Variants in WDR54 observed in about 807,000 individuals in gnomAD.
WDR54 encodes WD repeat-containing protein 54.
Under a neutral mutation model 44.1 loss-of-function variants are expected in WDR54, and 44 were observed. That is an observed-to-expected ratio of 1.00 (90% CI 0.78 to 1.28). WDR54 has a LOEUF of 1.28. WDR54 is among the 50% of genes most tolerant of loss of function. The pLI, the probability that WDR54 is intolerant of heterozygous loss-of-function variation, is 0.00. For synonymous variants in WDR54, 169 were observed against 169.8 expected, an observed-to-expected ratio of 1.00 and a Z score of 0.04; for missense variants, 409 against 429.7, an observed-to-expected ratio of 0.95 and a Z score of 0.43.
chr2:74,424,831 T>C (rs775353979), intron 6 of WDR54, 44 bp from the exon 7 acceptor site: 5 of 1,606,986 alleles, frequency 3.1e-6, no homozygotes, highest in Admixed American at 3.3e-5. Context: ...TACAGGACCA[T>C]AGCAGGGGAG....
At chr2:74,425,265 C>T (rs1030369432) in intron 8 of WDR54, 28 bp downstream of exon 8, 31 of 1,537,668 alleles carry the variant, frequency 2.0e-5, no homozygotes, top group African/African-American at 2.7e-5. Flanking sequence ...TACCTACATA[C>T]CCTTTTTCCT....
rs771078332 is a variant in WDR54, at chr2:74,422,170, G to T, written c.17G>T (p.Arg6Leu). The change falls in exon 2 of 10, where the codon CGC (arginine) becomes CTC (leucine). Residue 6 changes from arginine (R) to leucine (L), a missense_variant. Physicochemically the swap from Arg to Leu is moderately radical, Grantham distance 102. Transcript: ENST00000348227. ...CCACACAGGATGTTCCGCTGGGAGC[G>T]CTCCATTCCCCTGCGAGGCTCGGCC... MFRWERSIPLRGSAAA... is the reference protein window; with the variant it reads MFRWELSIPLRGSAAA... 6.2e-7 allele frequency: 1 copy of T among 1,612,872 alleles called. No homozygotes were observed. Among genetic ancestry groups the T allele is most frequent in the East Asian group, 2.2e-5 (1 of 44,870 alleles).
chr2:74,424,818 G>C, intron 6 of WDR54, 57 bp from the exon 7 acceptor site: 1 of 1,606,622 alleles, frequency 6.2e-7, no homozygotes. Flanking sequence ...CTCCTGCCCT[G>C]TATACAGGAC....
chr2:74,422,292 G>A lies in WDR54; in HGVS notation c.139G>A (p.Ala47Thr). 6.2e-7 allele frequency: 1 copy of A among 1,614,220 alleles called. No individual in the cohort carries two copies. The highest frequency in any genetic ancestry group is 1.1e-5 in the South Asian group (1 of 91,088). ...TGGACCAAGCGCCCAGCTTCTCAGC[G>A]CTGCTCCTGAGGGTGTGCCCTTGGC... is the stretch of plus-strand genomic sequence containing the variant. The part of the protein sequence containing the change: ...VHGPSAQLLS[A>T]APEGVPLAQR... The change falls in exon 2 of 10, where the codon GCT becomes ACT. Residue 47 changes from alanine to threonine, a missense_variant. Transcript: ENST00000348227.
In WDR54 at chr2:74,423,926, C is replaced by G; in HGVS notation, c.478C>G (p.Leu160Val). The change falls in exon 6 of 10, where the codon CTG becomes GTG. Residue 160 changes from leucine to valine, a missense_variant. Physicochemically the swap from Leu to Val is conservative, Grantham distance 32 (BLOSUM62 1). Coordinates refer to ENST00000348227, the MANE Select transcript of WDR54 (RefSeq NM_032118.4). ...TCCCAACATTGTACTGAGCGAGGAGCTGGCTGGGCACCAGATGCCAATCAC... is the reference window on the plus strand; with the variant it reads ...TCCCAACATTGTACTGAGCGAGGAGGTGGCTGGGCACCAGATGCCAATCAC... ...KGPNIVLSEE[L>V]AGHQMPITDI... The G allele has an allele frequency of 1.2e-6, 2 of 1,614,146 alleles. No homozygotes were observed. The highest frequency in any genetic ancestry group is 1.7e-6 in the Non-Finnish European group (2 of 1,180,034).
In WDR54 at chr2:74,425,040, T is replaced by A. The variant is rs745946586; in HGVS notation, c.636-35T>A. The stretch of plus-strand genomic sequence containing the variant: ...CTTCAGGCTGGGGAGTAGGATTTGA[T>A]CTGGGCAAAACAAAGTTGGGTGTCA... On this transcript the variant is annotated intron_variant, in intron 7 of 9. Transcript: ENST00000348227. The A allele has an allele frequency of 3.7e-6, 6 of 1,613,526 alleles. No homozygotes were observed. In the Admixed American group the frequency reaches 1.0e-4, roughly 27 times the overall value.
chr2:74,422,831 G>A (rs1217822408), intron 2 of WDR54, 39 bp from the exon 3 acceptor site: 20 of 1,530,170 alleles, frequency 1.3e-5, no homozygotes, highest in Non-Finnish European at 1.6e-5. Context: ...CATCTTCCCT[G>A]CTTTGATTTT....
rs1419392298 is a variant in WDR54, at chr2:74,423,947, A to G, written c.499A>G (p.Ile167Val). 1.2e-6 allele frequency: 2 copies of G among 1,614,144 alleles called. No homozygotes were observed. Among genetic ancestry groups the G allele is most frequent in the Non-Finnish European group, 1.7e-6 (2 of 1,180,016 alleles). The change falls in exon 6 of 10, where the codon ATC becomes GTC. Residue 167 changes from isoleucine to valine, a missense_variant. Coordinates refer to ENST00000348227, the MANE Select transcript of WDR54 (RefSeq NM_032118.4). ...GGAGCTGGCTGGGCACCAGATGCCA[A>G]TCACAGACATTGCCACCGAGCCTGC... ...SEELAGHQMP[I>V]TDIATEPAQG...
chr2:74,424,187 A>G (rs1670253797), intron 6 of WDR54, among the ~76,000 whole-genome samples: 1 of 152,246 alleles, frequency 6.6e-6, no homozygotes, highest in Non-Finnish European at 1.5e-5. Context: ...AGACTTTATA[A>G]TACTGATGTG....
intron 3 of WDR54, 93 bp from the exon 4 acceptor site, chr2:74,423,226 A>G: frequency 1.4e-6 from 2 of 1,432,188 alleles, no homozygotes; most frequent in Non-Finnish European, 2.0e-6. Flanking sequence ...ATTTGTTTTG[A>G]GGATTAAATG....
chr2:74,423,014 T>C (rs1412698008), intron 3 of WDR54, 82 bp downstream of exon 3: 2 of 1,416,388 alleles, frequency 1.4e-6, no homozygotes, highest in Non-Finnish European at 1.0e-6. Flanking sequence ...CACTTGCCTC[T>C]AAACACTTCC....
Position 74,425,183 on chromosome 2 carries a change from C to G in WDR54, c.744C>G (p.Ile248Met). 4 of 1,542,614 alleles carry G rather than the reference C, an allele frequency of 2.6e-6. No homozygotes were observed. The highest frequency in any genetic ancestry group is 3.5e-6 in the Non-Finnish European group (4 of 1,141,708). Residue 248 changes from isoleucine (I) to methionine (M), a missense_variant, in exon 8 of 10, where the codon ATC becomes ATG. Transcript: ENST00000348227. The stretch of plus-strand genomic sequence containing the variant: ...CTACAGGAAATCTACATGTCCAGAT[C>G]AATGCCCATGCCCGGGCCATCTGCG... ...EATTGNLHVQ[I>M]NAHARAICAL...
intron 2 of WDR54, 150 bp downstream of exon 2, chr2:74,422,525 T>C: frequency 1.0e-6 from 1 of 985,322 alleles, no homozygotes; most frequent in East Asian, 2.6e-5. Flanking sequence ...CCGGGCGCGG[T>C]GGCTCACGCC....
intron 6 of WDR54, 138 bp from the exon 7 acceptor site, chr2:74,424,737 C>A: frequency 9.7e-7 from 1 of 1,034,528 alleles, no homozygotes; most frequent in Non-Finnish European, 1.5e-6. Flanking sequence ...TCTGATGGGT[C>A]TAGCTAGTGA....
In WDR54 at chr2:74,425,702, G is replaced by C. The variant is rs149647334; in HGVS notation, c.*1G>C. On this transcript the variant is annotated 3_prime_UTR_variant, in exon 10 of 10. Coordinates refer to ENST00000348227, the MANE Select transcript of WDR54 (RefSeq NM_032118.4). ...GATCCGGAGATTCAGCAGTGTGTGA[G>C]AAGAGCAGCCTTCCTTTGTCCCTGT... 153 of 1,614,178 alleles carry C rather than the reference G, an allele frequency of 9.5e-5. No homozygotes were observed. In the African/African-American group the frequency reaches 2.0e-3, roughly 21 times the overall value.
rs751240078 is a variant in WDR54 at position 74,423,896 on chromosome 2, A to C, written c.448A>C (p.Lys150Gln). The change falls in exon 6 of 10, where the codon AAG becomes CAG. Residue 150 changes from lysine to glutamine, a missense_variant. Transcript: ENST00000348227. ...GRVLVFDIPAKGPNIVLSEEL... is the reference protein window; with the variant it reads ...GRVLVFDIPAQGPNIVLSEEL... ...GGTGCTGGTGTTTGACATCCCAGCA[A>C]AGGGTCCCAACATTGTACTGAGCGA... 6.2e-7 allele frequency: 1 copy of C among 1,614,104 alleles called. No homozygotes were observed. Among genetic ancestry groups the C allele is most frequent in the Non-Finnish European group, 8.5e-7 (1 of 1,180,014 alleles).
Position 74,424,926 on chromosome 2 carries a change from T to G in WDR54, c.586T>G (p.Trp196Gly). 1 of 1,614,246 alleles carries G rather than the reference T, an allele frequency of 6.2e-7. No individual in the cohort carries two copies. Among genetic ancestry groups the G allele is most frequent in the Non-Finnish European group, 8.5e-7 (1 of 1,180,042 alleles). The change falls in exon 7 of 10, where the codon TGG (tryptophan) becomes GGG (glycine). Residue 196 changes from tryptophan to glycine, a missense_variant. By Grantham distance (184) the Trp-to-Gly change is radical. Transcript: ENST00000348227. ...AGATGACTCAGGCTTGCTGTGTGTC[T>G]GGCGGTCAGGGCCAGAATTCACATT... Reference protein sequence around the residue: ...TADDSGLLCVWRSGPEFTLLT... With the variant: ...TADDSGLLCVGRSGPEFTLLT...
intron 8 of WDR54, 51 bp downstream of exon 8, chr2:74,425,288 T>C (rs184740869): frequency 6.5e-5 from 100 of 1,542,610 alleles, no homozygotes; most frequent in Admixed American, 5.8e-4. Flanking sequence ...CAGTGGAATG[T>C]TGAGAGAACA....
In WDR54 at chr2:74,425,160, A is replaced by G. The variant is rs755403722; in HGVS notation, c.721A>G (p.Thr241Ala). ...ACAAGTGCATCTATATGAGGCCACT[A>G]CAGGAAATCTACATGTCCAGATCAA... is the stretch of plus-strand genomic sequence containing the variant. ...NGQVHLYEAT[T>A]GNLHVQINAH... Residue 241 changes from threonine (T) to alanine (A), a missense_variant, in exon 8 of 10, where the codon ACA becomes GCA. Physicochemically the swap from Thr to Ala is moderately conservative, Grantham distance 58 (BLOSUM62 0). Transcript: ENST00000348227. 1.2e-5 allele frequency: 19 copies of G among 1,552,686 alleles called. No homozygotes were observed. The highest frequency in any genetic ancestry group is 1.7e-4 in the Middle Eastern group (1 of 5,758).
Sources: allele counts gnomAD v4.1 joint callset (sites outside exome capture counted in the v4.1 genomes callset), GRCh38; gene constraint gnomAD v4.1.1; transcripts MANE v1.5; gene names NCBI Gene and HGNC (gene_info 2026-07-23, HGNC 2026-07-21).